ADK: variants seen among roughly 807,000 people sequenced by gnomAD.
ADK encodes the protein adenosine kinase.
Under a neutral mutation model 44.7 loss-of-function variants are expected in ADK, and 24 were observed. That is an observed-to-expected ratio of 0.54 (90% CI 0.39 to 0.76). The LOEUF (loss-of-function observed/expected upper bound fraction) is 0.76, where lower values mean the gene tolerates loss of function less well. Among genes scored for constraint, ADK ranks in the 30% least tolerant of loss-of-function variants. ADK has a pLI of 0.00. For missense variants in ADK, 321 were observed against 425.1 expected, an observed-to-expected ratio of 0.76 and a Z score of 2.15; for synonymous variants, 128 against 142.6, an observed-to-expected ratio of 0.90 and a Z score of 0.73.
At position 74,250,427 on chromosome 10, in the gene ADK, A is replaced by G. The variant is rs143473697; in HGVS notation, c.194+25836A>G. On this transcript the variant is annotated intron_variant, in intron 3 of 10. Coordinates refer to ENST00000539909, the MANE Select transcript of ADK (RefSeq NM_006721.4). ...GGTGAGATATTGTGTAGTTTGGGTA[A>G]AACACTGGGTATGTCATGGAGGGAG... 2.2e-3 allele frequency among the ~76,000 whole-genome samples: 332 copies of G among 152,322 alleles called. 2 individuals carry two copies. The highest frequency in any genetic ancestry group is 7.6e-3 in the African/African-American group (314 of 41,564).
chr10:74,249,608 A>G lies in ADK; in HGVS notation c.194+25017A>G, dbSNP rs146527422. On this transcript the variant is annotated intron_variant, in intron 3 of 10. Coordinates refer to ENST00000539909, the MANE Select transcript of ADK (RefSeq NM_006721.4). Reference sequence around the variant, plus strand: ...TACTATAGGGCTTAAGTAGGAAATGAATGGTAAAATGAGCCAATTTGAAGC... The same window carrying G: ...TACTATAGGGCTTAAGTAGGAAATGGATGGTAAAATGAGCCAATTTGAAGC... Among the ~76,000 whole-genome samples, 433 of 152,272 alleles carry G rather than the reference A, an allele frequency of 2.8e-3. 5 individuals are homozygous for G. The highest frequency in any genetic ancestry group is 9.9e-3 in the African/African-American group (413 of 41,554).
rs12242773 is a variant in ADK, at chr10:74,639,541, G to A, written c.878-30642G>A. On this transcript the variant is annotated intron_variant, in intron 9 of 10. Coordinates refer to ENST00000539909, the MANE Select transcript of ADK (RefSeq NM_006721.4). ...AGAATATAAAATTACCTGCTATTAC[G>A]AAGTAGCAAGAGAGGCTGGGCACAG... Among the ~76,000 whole-genome samples, 1,118 of 152,168 alleles carry A rather than the reference G, an allele frequency of 7.3e-3. 8 individuals carry two copies. Among genetic ancestry groups the A allele is most frequent in the Middle Eastern group, 0.027 (8 of 294 alleles).
At chr10:74,635,921 C>T (rs1355649370) in intron 9 of ADK, among the ~76,000 whole-genome samples, 2 of 129,608 alleles carry the variant, frequency 1.5e-5, no homozygotes, top group African/African-American at 2.8e-5. Context: ...CCATCTCTAC[C>T]AAAAAAAAAA....
Position 74,198,995 on chromosome 10 carries a change from T to G in ADK, c.66-1769T>G, listed in dbSNP as rs190890398. On this transcript the variant is annotated intron_variant, in intron 1 of 10. Transcript: ENST00000539909. ...AATAAAAGTTTTAGCTAGACATTTTTAGATGAAAAGATGTGCATTTAAATT... is the reference window on the plus strand; with the variant it reads ...AATAAAAGTTTTAGCTAGACATTTTGAGATGAAAAGATGTGCATTTAAATT... 7.0e-4 allele frequency among the ~76,000 whole-genome samples: 107 copies of G among 152,310 alleles called. 2 individuals carry two copies. Among genetic ancestry groups the G allele is most frequent in the African/African-American group, 2.6e-3 (107 of 41,570 alleles).
At chr10:74,432,793 G>T (rs910295520) in intron 6 of ADK, among the ~76,000 whole-genome samples, 1 of 152,172 alleles carries the variant, frequency 6.6e-6, no homozygotes, top group African/African-American at 2.4e-5. Flanking sequence ...AGCTGGTGGT[G>T]TGTCATCTTC....
intron 6 of ADK, among the ~76,000 whole-genome samples, chr10:74,475,529 A>G (rs1386433749): frequency 7.6e-6 from 1 of 131,164 alleles, no homozygotes; most frequent in Non-Finnish European, 1.7e-5. Flanking sequence ...TGGACAATGT[A>G]GTAAGACCCC....
At chr10:74,392,833 G>A (rs1184245318) in intron 4 of ADK, among the ~76,000 whole-genome samples, 3 of 151,858 alleles carry the variant, frequency 2.0e-5, no homozygotes, top group Non-Finnish European at 1.5e-5. Context: ...AAAATATCCT[G>A]GAAATTACTT....
At chr10:74,363,127 G>A (rs1842390623) in intron 4 of ADK, among the ~76,000 whole-genome samples, 1 of 152,236 alleles carries the variant, frequency 6.6e-6, no homozygotes, top group Admixed American at 6.5e-5. Context: ...CTTGACTGCA[G>A]CAAGAGGGCT....
intron 6 of ADK, among the ~76,000 whole-genome samples, chr10:74,475,137 AC>A (rs375482810): frequency 5.3e-5 from 8 of 151,888 alleles, no homozygotes; most frequent in African/African-American, 1.9e-4. Flanking sequence ...AAAACAAAAA[AC>A]AAAGCAAACA....
chr10:74,342,455 G>C (rs940987260), intron 4 of ADK, among the ~76,000 whole-genome samples: 3 of 152,048 alleles, frequency 2.0e-5, no homozygotes, highest in African/African-American at 7.2e-5. Flanking sequence ...ATGGCTTAGA[G>C]ATACAATTGT....
intron 1 of ADK, among the ~76,000 whole-genome samples, chr10:74,197,711 G>GA (rs368410323): frequency 0.65 from 91,204 of 140,006 alleles, 30,510 homozygotes; most frequent in Middle Eastern, 0.8. Flanking sequence ...AAAAAAAAAA[G>GA]AAAAAAAAAA....
chr10:74,285,240 A>G lies in ADK; in HGVS notation c.195-29427A>G, dbSNP rs553737523. Among the ~76,000 whole-genome samples the G allele has an allele frequency of 1.3e-4, 20 of 152,356 alleles. 1 individual carries two copies. In the South Asian group the frequency reaches 2.9e-3, roughly 22 times the overall value. ...TTGGAAGATTAACAGAATAGGCTTC[A>G]CAGAGAAGATGATGTATTAAGCTGA... On this transcript the variant is annotated intron_variant, in intron 3 of 10. Coordinates refer to ENST00000539909, the MANE Select transcript of ADK (RefSeq NM_006721.4).
chr10:74,654,573 G>A (rs1354656579), intron 9 of ADK, among the ~76,000 whole-genome samples: 1 of 152,228 alleles, frequency 6.6e-6, no homozygotes, highest in African/African-American at 2.4e-5. Context: ...CACTTTGGGA[G>A]GCCGAGGTGG....
chr10:74,526,473 A>G lies in ADK; in HGVS notation c.726+1047A>G, dbSNP rs1041012757. 2.9e-4 allele frequency among the ~76,000 whole-genome samples: 44 copies of G among 152,196 alleles called. 1 individual carries two copies. Among genetic ancestry groups the G allele is most frequent in the Non-Finnish European group, 5.7e-4 (39 of 68,028 alleles). ...GTCACTTGATGGTTTAATGTATACAATGAAGGTATTGTATTAATCATCCCA... is the reference window on the plus strand; with the variant it reads ...GTCACTTGATGGTTTAATGTATACAGTGAAGGTATTGTATTAATCATCCCA... On this transcript the variant is annotated intron_variant, in intron 7 of 10. Coordinates refer to ENST00000539909, the MANE Select transcript of ADK (RefSeq NM_006721.4).
intron 6 of ADK, among the ~76,000 whole-genome samples, chr10:74,480,041 G>A (rs192744134): frequency 4.5e-4 from 69 of 152,090 alleles, no homozygotes; most frequent in African/African-American, 1.4e-3. Flanking sequence ...CAGGAAAGGC[G>A]TATGTGTACA....
At chr10:74,597,815 A>G (rs1851973356) in intron 8 of ADK, among the ~76,000 whole-genome samples, 1 of 152,146 alleles carries the variant, frequency 6.6e-6, no homozygotes, top group African/African-American at 2.4e-5. Context: ...AATATCTTGG[A>G]GGAGATACTA....
intron 10 of ADK, among the ~76,000 whole-genome samples, chr10:74,676,761 G>A (rs1455000356): frequency 6.6e-6 from 1 of 152,048 alleles, no homozygotes; most frequent in African/African-American, 2.4e-5. Context: ...ATTCATTTGG[G>A]ATTACAGACA....
intron 7 of ADK, among the ~76,000 whole-genome samples, chr10:74,538,060 C>T (rs1377759751): frequency 6.6e-6 from 1 of 152,116 alleles, no homozygotes; most frequent in Non-Finnish European, 1.5e-5. Flanking sequence ...AGTTCCAGAA[C>T]AGCCTGGCCA....
intron 4 of ADK, among the ~76,000 whole-genome samples, chr10:74,334,318 A>G (rs1306270599): frequency 6.6e-6 from 1 of 152,196 alleles, no homozygotes; most frequent in African/African-American, 2.4e-5. Flanking sequence ...GAGACATGAG[A>G]TAACATCTGT....
Sources: gnomAD v4.1 joint callset for allele counts (sites outside exome capture counted in the v4.1 genomes callset) on GRCh38, gnomAD v4.1.1 for gene constraint, MANE v1.5 for transcripts, NCBI Gene and HGNC (gene_info 2026-07-23, HGNC 2026-07-21) for gene names.